The following VPS13D variants were observed in gnomAD, a reference collection of about 807,000 sequenced individuals.
VPS13D encodes the protein vacuolar protein sorting 13 homolog D, also known as intermembrane lipid transfer protein VPS13D.
In VPS13D, 187 loss-of-function variants were observed where a neutral mutation model predicts 461.9. The observed-to-expected ratio is 0.40, with a 90% CI of 0.36 to 0.46. VPS13D has a LOEUF of 0.46. VPS13D is among the 20% of genes least tolerant of loss of function. The probability of loss-of-function intolerance (pLI) is 0.60; values close to 1 mark genes in which losing one functional copy is unlikely to be tolerated. For missense variants in VPS13D, 4,711 were observed against 5,364.9 expected (o/e 0.88, Z 3.81); for synonymous variants, 1,951 against 1,986.3 (o/e 0.98, Z 0.47).
rs769658062 is a variant in VPS13D at position 12,379,603 on chromosome 1, C to G, written c.11190+7C>G. On this transcript the variant is annotated splice_region_variant and intron_variant, in intron 57 of 69. Transcript: ENST00000620676. ...ACATGGGTTGGTCGTCCAGGTCAGT[C>G]GTTTTTGATCCCCAATTGCAGCAAG... 2 of 1,606,958 alleles carry G rather than the reference C, an allele frequency of 1.2e-6. No individual in the cohort carries two copies. The highest frequency in any genetic ancestry group is 1.3e-5 in the African/African-American group (1 of 74,636).
At chr1:12,392,784 C>G (rs1315344399) in intron 60 of VPS13D, among the ~76,000 whole-genome samples, 1 of 152,162 alleles carries the variant, frequency 6.6e-6, no homozygotes, top group Admixed American at 6.5e-5. Flanking sequence ...AACAGCATCC[C>G]TATCTGCCAC....
chr1:12,430,929 A>G (rs779775078), intron 65 of VPS13D, among the ~76,000 whole-genome samples: 1 of 152,254 alleles, frequency 6.6e-6, no homozygotes, highest in African/African-American at 2.4e-5. Flanking sequence ...TAGGATTGCT[A>G]CAGAAGAGTT....
At chr1:12,421,880 G>T (rs1291538318) in intron 65 of VPS13D, among the ~76,000 whole-genome samples, 1 of 152,120 alleles carries the variant, frequency 6.6e-6, no homozygotes, top group African/African-American at 2.4e-5. Flanking sequence ...GAGTGCAGTG[G>T]TGCAATCTCG....
intron 19 of VPS13D, 152 bp downstream of exon 19, chr1:12,278,190 C>T (rs1259122851): frequency 1.0e-5 from 8 of 773,356 alleles, no homozygotes; most frequent in Non-Finnish European, 1.5e-5. Context: ...AATAGAATGC[C>T]TTGTAGTAGG....
chr1:12,267,088 A>G (rs1641294746), intron 14 of VPS13D, 77 bp downstream of exon 14: 2 of 1,377,836 alleles, frequency 1.5e-6, no homozygotes, highest in African/African-American at 2.9e-5. Flanking sequence ...ATGATAACTG[A>G]TTCATTCTGA....
At chr1:12,348,733 A>T in intron 44 of VPS13D, 90 bp from the exon 45 acceptor site, 4 of 1,476,806 alleles carry the variant, frequency 2.7e-6, no homozygotes, top group Non-Finnish European at 3.7e-6. Flanking sequence ...GTAATAAGAC[A>T]CTTTTAAGGT....
intron 67 of VPS13D, among the ~76,000 whole-genome samples, chr1:12,472,097 T>C (rs1645570113): frequency 6.6e-6 from 1 of 152,228 alleles, no homozygotes; most frequent in Admixed American, 6.5e-5. Context: ...TTTTCTATAG[T>C]AGTACTATAG....
chr1:12,326,205 T>C (rs1031135017), intron 35 of VPS13D, among the ~76,000 whole-genome samples: 1 of 151,690 alleles, frequency 6.6e-6, no homozygotes, highest in Non-Finnish European at 1.5e-5. Flanking sequence ...CATTAGTTTT[T>C]GGTTTAATTA....
At chr1:12,274,419 T>C (rs1268446548) in intron 18 of VPS13D, among the ~76,000 whole-genome samples, 1 of 151,976 alleles carries the variant, frequency 6.6e-6, no homozygotes, top group Non-Finnish European at 1.5e-5. Context: ...CAAAGTGATC[T>C]ACCTGTCTTG....
At chr1:12,414,989 G>A in intron 63 of VPS13D, 98 bp from the exon 64 acceptor site, 1 of 1,438,242 alleles carries the variant, frequency 7.0e-7, no homozygotes, top group Non-Finnish European at 9.5e-7. Context: ...TCATTCGAAA[G>A]TTAACATGAC....
At chr1:12,243,152 G>T (rs1169520697) in intron 3 of VPS13D, among the ~76,000 whole-genome samples, 2 of 151,810 alleles carry the variant, frequency 1.3e-5, no homozygotes, top group Non-Finnish European at 2.9e-5. Flanking sequence ...ACGAGGTTTC[G>T]CCTTGTTGGC....
At chr1:12,384,989 G>A (rs976292916) in intron 58 of VPS13D, among the ~76,000 whole-genome samples, 1 of 152,102 alleles carries the variant, frequency 6.6e-6, no homozygotes, top group Admixed American at 6.6e-5. Context: ...TGCATATTTT[G>A]ACTTGAGCTA....
At chr1:12,506,160 C>G (rs1646102950) in intron 68 of VPS13D, among the ~76,000 whole-genome samples, 1 of 152,240 alleles carries the variant, frequency 6.6e-6, no homozygotes, top group African/African-American at 2.4e-5. Context: ...CCAAGGTTCA[C>G]TGCTCTTCAT....
At chr1:12,441,456 A>G (rs1300294467) in intron 65 of VPS13D, among the ~76,000 whole-genome samples, 2 of 152,288 alleles carry the variant, frequency 1.3e-5, no homozygotes, top group African/African-American at 4.8e-5. Context: ...TGTGAAGAAA[A>G]GAGATATGAA....
At chr1:12,326,719 C>T (rs1643199496) in intron 35 of VPS13D, among the ~76,000 whole-genome samples, 1 of 152,012 alleles carries the variant, frequency 6.6e-6, no homozygotes, top group South Asian at 2.1e-4. Context: ...TCTTGGCTCC[C>T]TGCAACCTCC....
chr1:12,456,080 C>T lies in VPS13D; in HGVS notation c.12416C>T (p.Ala4139Val), dbSNP rs868354311. ...QSEREYIRYH[A>V]ATSGEHLVAG... ...GAGCGGGAGTACATCAGGTACCATG[C>T]AGCCACAAGTGGTGAACACCTTGTA... The change falls in exon 66 of 70, where the codon GCA (alanine) becomes GTA (valine). Residue 4139 changes from alanine (A) to valine (V), a missense_variant. Ala to Val is a moderately conservative substitution (Grantham distance 64, BLOSUM62 0). Transcript: ENST00000620676. 6.2e-7 allele frequency: 1 copy of T among 1,613,868 alleles called. No homozygotes were observed. The highest frequency in any genetic ancestry group is 8.5e-7 in the Non-Finnish European group (1 of 1,179,902).
chr1:12,241,703 C>T (rs906724577), intron 2 of VPS13D, among the ~76,000 whole-genome samples: 2 of 152,106 alleles, frequency 1.3e-5, no homozygotes, highest in Non-Finnish European at 2.9e-5. Flanking sequence ...GCTTTCTGAT[C>T]GGTTATTACA....
chr1:12,253,221 T>G (rs1374899600), intron 6 of VPS13D, among the ~76,000 whole-genome samples: 3 of 151,542 alleles, frequency 2.0e-5, no homozygotes, highest in African/African-American at 7.3e-5. Context: ...GTATTAGTTA[T>G]TATAAGTAAT....
chr1:12,478,844 G>A (rs1429149603), intron 67 of VPS13D: 1 of 455,992 alleles, frequency 2.2e-6, no homozygotes, highest in Non-Finnish European at 4.4e-6. Context: ...AAACCTGCCT[G>A]TCTCCAAGGA....
Sources: allele counts gnomAD v4.1 joint callset (sites outside exome capture counted in the v4.1 genomes callset), GRCh38; gene constraint gnomAD v4.1.1; transcripts MANE v1.5; gene names NCBI Gene and HGNC (gene_info 2026-07-23, HGNC 2026-07-21).